NME5: variants seen among roughly 807,000 people sequenced by gnomAD.
NME5 encodes nucleoside diphosphate kinase 5.
NME5 carries 18 observed loss-of-function variants against 21.6 expected under a neutral mutation model. The observed-to-expected ratio is 0.83, with a 90% CI of 0.58 to 1.24. The LOEUF is 1.24. NME5 is among the 50% of genes most tolerant of loss of function. The pLI, the probability that NME5 is intolerant of heterozygous loss-of-function variation, is 0.00. For synonymous variants in NME5, 70 were observed against 80.6 expected (o/e 0.87, Z 0.71); for missense variants, 223 against 255.4 (o/e 0.87, Z 0.86).
At position 138,133,258 on chromosome 5, in the gene NME5, G is replaced by A. The variant is rs888471575; in HGVS notation, c.130-3790C>T. On this transcript the variant is annotated intron_variant, in intron 2 of 5. Coordinates refer to ENST00000265191, the MANE Select transcript of NME5 (RefSeq NM_003551.3). Reference sequence around the variant, plus strand: ...TGAGACTACAGGAGCCTGCTACCACGCCCGGCTAATTTTTTTTTTTTGTAT... The same window carrying A: ...TGAGACTACAGGAGCCTGCTACCACACCCGGCTAATTTTTTTTTTTTGTAT... Among the ~76,000 whole-genome samples the A allele has an allele frequency of 3.3e-5, 5 of 151,768 alleles. No individual in the cohort carries two copies. The East Asian group carries it at 5.8e-4, about 18-fold the overall frequency.
chr5:138,133,377 T>G (rs1261826219), intron 2 of NME5, among the ~76,000 whole-genome samples: 1 of 152,096 alleles, frequency 6.6e-6, no homozygotes, highest in African/African-American at 2.4e-5. Context: ...AGTGCTGGGA[T>G]TACAGGCGTG....
At chr5:138,118,718 C>T (rs959627898) in intron 5 of NME5, 100 bp downstream of exon 5, 11 of 676,328 alleles carry the variant, frequency 1.6e-5, no homozygotes, top group South Asian at 1.2e-4. Context: ...CTCCTGACCT[C>T]GGATCCGCCC....
Position 138,129,262 on chromosome 5 carries a change from C to T in NME5, c.335+1G>A. ...GCCATCCCCCAAACCCTGAAAATTA[C>T]CTGTCTGGATGTGTCTCCTTCGCTA... On this transcript the variant is annotated splice_donor_variant, in intron 3 of 5. Transcript: ENST00000265191. LOFTEE classifies it high-confidence loss of function. 1 of 1,605,128 alleles carries T rather than the reference C, an allele frequency of 6.2e-7. No homozygotes were observed. Among genetic ancestry groups the T allele is most frequent in the Non-Finnish European group, 8.5e-7 (1 of 1,172,180 alleles).
chr5:138,136,881 G>T (rs938517247), intron 2 of NME5, among the ~76,000 whole-genome samples: 1 of 151,756 alleles, frequency 6.6e-6, no homozygotes, highest in African/African-American at 2.4e-5. Flanking sequence ...GACCTCAGGT[G>T]ATCAACTCAC....
intron 4 of NME5, among the ~76,000 whole-genome samples, chr5:138,126,297 C>T (rs557021129): frequency 1.3e-5 from 2 of 151,894 alleles, no homozygotes; most frequent in South Asian, 4.2e-4. Flanking sequence ...ATTGCTTGAG[C>T]CCAAGAGTTC....
At position 138,122,441 on chromosome 5, in the gene NME5, T is replaced by TAAAAAAAAAAAAAAAAAAAAAAAAAA. The variant is rs70979581; in HGVS notation, c.437-3531_437-3506dup. ...GGTGACAAGAGCGAAACTCTGTCTC[T>TAAAAAAAAAAAAAAAAAAAAAAAAAA]AAAAAAAAAAAAAAAAAAAAAAAAA... is the stretch of plus-strand genomic sequence containing the variant. On this transcript the variant is annotated intron_variant, in intron 4 of 5. Coordinates refer to ENST00000265191, the MANE Select transcript of NME5 (RefSeq NM_003551.3). Among the ~76,000 whole-genome samples the TAAAAAAAAAAAAAAAAAAAAAAAAAA allele has an allele frequency of 4.4e-4, 15 of 34,462 alleles. 2 individuals are homozygous for TAAAAAAAAAAAAAAAAAAAAAAAAAA. The highest frequency in any genetic ancestry group is 6.8e-4 in the Non-Finnish European group (13 of 19,222). The allele number at this position is 34,462 out of a possible 152,430, so 22.6% of individuals were successfully genotyped here.
At chr5:138,134,533 C>T (rs1310938992) in intron 2 of NME5, among the ~76,000 whole-genome samples, 3 of 152,004 alleles carry the variant, frequency 2.0e-5, no homozygotes, top group Non-Finnish European at 4.4e-5. Flanking sequence ...CATGAGCCAC[C>T]GCACCCAGCC....
At chr5:138,117,620 T>C (rs1184375595) in intron 5 of NME5, among the ~76,000 whole-genome samples, 3 of 152,072 alleles carry the variant, frequency 2.0e-5, no homozygotes, top group African/African-American at 7.2e-5. Context: ...ACATTAGCCA[T>C]TAGGGAAATG....
intron 5 of NME5, among the ~76,000 whole-genome samples, chr5:138,117,204 C>CAAAA (rs34623624): frequency 1.6e-4 from 10 of 63,544 alleles, no homozygotes; most frequent in East Asian, 4.5e-4. Flanking sequence ...GACCCTGTCT[C>CAAAA]AAAAAAAAAA....
chr5:138,132,235 A>T (rs1196733383), intron 2 of NME5, among the ~76,000 whole-genome samples: 1 of 151,580 alleles, frequency 6.6e-6, no homozygotes, highest in East Asian at 1.9e-4. Context: ...CTGTAGTCTC[A>T]GTTAATCGGG....
chr5:138,135,590 C>T (rs1192730408), intron 2 of NME5, among the ~76,000 whole-genome samples: 1 of 152,052 alleles, frequency 6.6e-6, no homozygotes, highest in Admixed American at 6.5e-5. Context: ...CCGCCTTGGC[C>T]TCCCAAAGTG....
chr5:138,133,971 A>G (rs1751632293), intron 2 of NME5, among the ~76,000 whole-genome samples: 1 of 152,230 alleles, frequency 6.6e-6, no homozygotes, highest in Non-Finnish European at 1.5e-5. Context: ...AACGGTTAAA[A>G]TGGTAAATTT....
At chr5:138,119,082 T>C in intron 4 of NME5, 146 bp from the exon 5 acceptor site, 1 of 537,172 alleles carries the variant, frequency 1.9e-6, no homozygotes, top group Non-Finnish European at 3.3e-6. Flanking sequence ...TGGGCTGGAG[T>C]GCAATGATGC....
chr5:138,130,278 CG>C (rs567431534), intron 2 of NME5, among the ~76,000 whole-genome samples: 80 of 151,922 alleles, frequency 5.3e-4, no homozygotes, highest in Non-Finnish European at 8.7e-4. Flanking sequence ...TAAAATCAGT[CG>C]GGTGTGGTGG....
intron 5 of NME5, among the ~76,000 whole-genome samples, chr5:138,118,208 C>A (rs1265728128): frequency 6.6e-6 from 1 of 151,112 alleles, no homozygotes; most frequent in East Asian, 2.0e-4. Flanking sequence ...TCACTGCAAG[C>A]TCCGCCTCCT....
At chr5:138,134,809 T>TCCAC (rs1751655909) in intron 2 of NME5, among the ~76,000 whole-genome samples, 1 of 146,882 alleles carries the variant, frequency 6.8e-6, no homozygotes, top group Admixed American at 6.8e-5. Context: ...CACTGGAAGC[T>TCCAC]CCACCTCCCG....
chr5:138,124,801 G>A (rs1751362074), intron 4 of NME5, among the ~76,000 whole-genome samples: 1 of 152,176 alleles, frequency 6.6e-6, no homozygotes, highest in Non-Finnish European at 1.5e-5. Context: ...GATTACAAGT[G>A]TTAGCCACCA....
At chr5:138,119,542 C>T (rs779799542) in intron 4 of NME5, among the ~76,000 whole-genome samples, 1 of 152,148 alleles carries the variant, frequency 6.6e-6, no homozygotes, top group African/African-American at 2.4e-5. Context: ...ACCATGTTGG[C>T]CAGGCTGGTC....
intron 3 of NME5, 30 bp from the exon 4 acceptor site, chr5:138,128,609 C>T (rs774014563): frequency 2.0e-6 from 3 of 1,478,614 alleles, no homozygotes; most frequent in Non-Finnish European, 2.8e-6. Context: ...GACGTCCATC[C>T]AATCTAACGT....
Sources: gnomAD v4.1 joint callset for allele counts (sites outside exome capture counted in the v4.1 genomes callset) on GRCh38, gnomAD v4.1.1 for gene constraint, MANE v1.5 for transcripts, NCBI Gene and HGNC (gene_info 2026-07-23, HGNC 2026-07-21) for gene names.